Variants in NELL1 observed in about 807,000 individuals in gnomAD.
The protein encoded by NELL1 is protein kinase C-binding protein NELL1.
Under a neutral mutation model 107.4 loss-of-function variants are expected in NELL1, and 76 were observed. The observed-to-expected ratio is 0.71, with a 90% CI of 0.59 to 0.86. The LOEUF (loss-of-function observed/expected upper bound fraction) is 0.86, where lower values mean the gene tolerates loss of function less well. Ranked by LOEUF, NELL1 falls within the 40% of genes least tolerant of loss-of-function variation. The probability of loss-of-function intolerance (pLI) is 0.00; values close to 1 mark genes in which losing one functional copy is unlikely to be tolerated. For synonymous variants in NELL1, 353 were observed against 341.2 expected, an observed-to-expected ratio of 1.03 and a Z score of -0.38; for missense variants, 1,024 against 1,005.5, an observed-to-expected ratio of 1.02 and a Z score of -0.25.
At chr11:20,758,285 C>T (rs1260059241) in intron 2 of NELL1, among the ~76,000 whole-genome samples, 7 of 152,158 alleles carry the variant, frequency 4.6e-5, no homozygotes, top group Non-Finnish European at 1.5e-5. Flanking sequence ...AGGCATTGTC[C>T]TCCCACGAGA....
chr11:21,132,640 G>A (rs138498194), intron 13 of NELL1, among the ~76,000 whole-genome samples: 1 of 152,244 alleles, frequency 6.6e-6, no homozygotes, highest in Non-Finnish European at 1.5e-5. Context: ...GAATACGTTG[G>A]TGCCCAAAAG....
At position 21,357,689 on chromosome 11, in the gene NELL1, C is replaced by G. The variant is rs966863890; in HGVS notation, c.1550-13164C>G. Among the ~76,000 whole-genome samples, 18 of 152,072 alleles carry G rather than the reference C, an allele frequency of 1.2e-4. 1 individual carries two copies. Among genetic ancestry groups the G allele is most frequent in the Admixed American group, 1.0e-3 (16 of 15,256 alleles). ...TTTATGTTTGTTATTGTTGCATTTG[C>G]TTTTGCGCTCTTGGTAATTAACTCT... is the stretch of plus-strand genomic sequence containing the variant. On this transcript the variant is annotated intron_variant, in intron 14 of 19. Coordinates refer to ENST00000357134, the MANE Select transcript of NELL1 (RefSeq NM_006157.5).
chr11:21,127,667 A>G (rs1436580683), intron 13 of NELL1, among the ~76,000 whole-genome samples: 3 of 152,080 alleles, frequency 2.0e-5, no homozygotes, highest in African/African-American at 7.2e-5. Flanking sequence ...GAGGAGGAAA[A>G]TGACGACAAC....
intron 12 of NELL1, among the ~76,000 whole-genome samples, chr11:21,067,959 G>A (rs756441476): frequency 3.8e-4 from 57 of 148,430 alleles, no homozygotes; most frequent in Non-Finnish European, 5.9e-4. Flanking sequence ...CTTGAACTCG[G>A]GAGGCGGAGG....
intron 14 of NELL1, among the ~76,000 whole-genome samples, chr11:21,311,197 A>G (rs1425423901): frequency 2.6e-5 from 4 of 152,216 alleles, no homozygotes; most frequent in Non-Finnish European, 5.9e-5. Context: ...GCAATATACT[A>G]AATATCTCTT....
At chr11:21,029,641 C>T (rs1427272309) in intron 12 of NELL1, among the ~76,000 whole-genome samples, 1 of 152,068 alleles carries the variant, frequency 6.6e-6, no homozygotes, top group African/African-American at 2.4e-5. Context: ...ATTTTCCAAA[C>T]ATTTTTTCCT....
intron 15 of NELL1, among the ~76,000 whole-genome samples, chr11:21,448,400 AT>A (rs2133854618): frequency 6.6e-6 from 1 of 152,208 alleles, no homozygotes; most frequent in East Asian, 1.9e-4. Flanking sequence ...GATTCTGTAT[AT>A]TTTCAACTTG....
At chr11:20,994,410 T>C (rs1852044882) in intron 12 of NELL1, among the ~76,000 whole-genome samples, 1 of 152,222 alleles carries the variant, frequency 6.6e-6, no homozygotes, top group African/African-American at 2.4e-5. Flanking sequence ...TGGCTCACAA[T>C]AGCATGCCAA....
At position 21,075,675 on chromosome 11, in the gene NELL1, T is replaced by A. The variant is rs556843391; in HGVS notation, c.1301-37914T>A. On this transcript the variant is annotated intron_variant, in intron 12 of 19. Coordinates refer to ENST00000357134, the MANE Select transcript of NELL1 (RefSeq NM_006157.5). ...TGCTTAGGCTTGTCTCAAACACCTATGCTCAAGTGATCCTCCTAAAGTGCT... is the reference window on the plus strand; with the variant it reads ...TGCTTAGGCTTGTCTCAAACACCTAAGCTCAAGTGATCCTCCTAAAGTGCT... Among the ~76,000 whole-genome samples the A allele has an allele frequency of 4.6e-5, 7 of 152,314 alleles. No homozygotes were observed. The South Asian group carries it at 1.5e-3, about 32-fold the overall frequency.
chr11:20,984,680 A>G (rs1384372023), intron 12 of NELL1, among the ~76,000 whole-genome samples: 1 of 151,072 alleles, frequency 6.6e-6, no homozygotes, highest in Non-Finnish European at 1.5e-5. Context: ...GATGCTGTTC[A>G]GTTCATTAGT....
chr11:21,037,222 T>G (rs1853113282), intron 12 of NELL1, among the ~76,000 whole-genome samples: 1 of 116,196 alleles, frequency 8.6e-6, no homozygotes, highest in South Asian at 3.1e-4. Flanking sequence ...ATTTTGTAAC[T>G]TAATTTAATT....
intron 13 of NELL1, among the ~76,000 whole-genome samples, chr11:21,215,161 T>C (rs943550793): frequency 1.3e-5 from 2 of 152,148 alleles, no homozygotes; most frequent in African/African-American, 2.4e-5. Context: ...GTTCTCATGA[T>C]AGTGAGTGCA....
chr11:21,385,151 C>G (rs1464565112), intron 15 of NELL1, among the ~76,000 whole-genome samples: 4 of 151,712 alleles, frequency 2.6e-5, no homozygotes, highest in Non-Finnish European at 5.9e-5. Context: ...TTCTTCGGAG[C>G]CTTTATCACT....
chr11:20,674,381 G>T (rs1853997176), intron 1 of NELL1: 1 of 822,864 alleles, frequency 1.2e-6, no homozygotes, highest in Non-Finnish European at 2.0e-6. Flanking sequence ...TGTGCCAGAT[G>T]GAGCTGTTGA....
intron 12 of NELL1, among the ~76,000 whole-genome samples, chr11:21,088,963 G>C (rs1187254999): frequency 6.6e-6 from 1 of 152,176 alleles, no homozygotes; most frequent in Non-Finnish European, 1.5e-5. Flanking sequence ...AATTTTAAGA[G>C]AGGCTAGTCA....
At chr11:20,697,787 G>C (rs1272630005) in intron 2 of NELL1, among the ~76,000 whole-genome samples, 1 of 152,140 alleles carries the variant, frequency 6.6e-6, no homozygotes, top group African/African-American at 2.4e-5. Flanking sequence ...GTCTTTGGGG[G>C]AGGTGGCACC....
At chr11:21,207,891 C>CT (rs1857422248) in intron 13 of NELL1, among the ~76,000 whole-genome samples, 1 of 151,988 alleles carries the variant, frequency 6.6e-6, no homozygotes, top group Non-Finnish European at 1.5e-5. Context: ...CATTTTCTTT[C>CT]TTTTTTTAAA....
At position 21,522,872 on chromosome 11, in the gene NELL1, G is replaced by A. The variant is rs1197598296; in HGVS notation, c.1646-11502G>A. ...TTTTTTTTTTTTGAGACGGAGTCTC[G>A]CTCTGTCACCCAGGCTGGAGTGCAG... is the stretch of plus-strand genomic sequence containing the variant. On this transcript the variant is annotated intron_variant, in intron 15 of 19. Coordinates refer to ENST00000357134, the MANE Select transcript of NELL1 (RefSeq NM_006157.5). Among the ~76,000 whole-genome samples, 16 of 107,786 alleles carry A rather than the reference G, an allele frequency of 1.5e-4. No homozygotes were observed. The South Asian group carries it at 4.3e-3, about 29-fold the overall frequency. 70.7% of individuals were successfully genotyped at this position (107,786 alleles called of 152,430 possible).
chr11:20,679,083 A>C (rs982184260), intron 2 of NELL1, among the ~76,000 whole-genome samples: 3 of 152,228 alleles, frequency 2.0e-5, no homozygotes, highest in Admixed American at 6.5e-5. Context: ...ACTAGGTTAC[A>C]TGGGACCCTG....
Sources: allele counts gnomAD v4.1 joint callset (sites outside exome capture counted in the v4.1 genomes callset), GRCh38; gene constraint gnomAD v4.1.1; transcripts MANE v1.5; gene names NCBI Gene and HGNC (gene_info 2026-07-23, HGNC 2026-07-21).